Variants in DPYSL5 observed in about 807,000 individuals in gnomAD.
DPYSL5 encodes the protein dihydropyrimidinase-related protein 5.
In DPYSL5, 9 loss-of-function variants were observed where a neutral mutation model predicts 58.4. The ratio of observed to expected loss-of-function variants is 0.15; its 90% CI spans 0.09 to 0.27. DPYSL5 has a LOEUF of 0.27. DPYSL5 is among the 10% of genes least tolerant of loss of function. The pLI is 1.00. For synonymous variants in DPYSL5, 293 were observed against 301.9 expected (o/e 0.97, Z 0.31); for missense variants, 499 against 770.6 (o/e 0.65, Z 4.17).
intron 2 of DPYSL5, among the ~76,000 whole-genome samples, chr2:26,903,114 G>A (rs1664202711): frequency 1.3e-5 from 2 of 150,158 alleles, no homozygotes; most frequent in African/African-American, 4.9e-5. Context: ...CTGTCACCCA[G>A]GCTGGAGTGC....
rs920435 is a variant in DPYSL5 at position 26,934,920 on chromosome 2, T to C, written c.947+186T>C. 0.38 allele frequency among the ~76,000 whole-genome samples: 58,020 copies of C among 151,916 alleles called. 11,684 individuals carry two copies. The highest frequency in any genetic ancestry group is 0.54 in the Admixed American group (8,221 of 15,266). ...ATTGGGATTTTATGACCGCTTGATA[T>C]GGAGTGAGATCTTCTGAAGTATAAG... On this transcript the variant is annotated intron_variant, in intron 8 of 12. Transcript: ENST00000288699. This position sits in a 1 kb window ranked among gnomAD's most constrained non-coding sequence, Gnocchi z 4.3.
At chr2:26,895,937 G>A (rs1664009865) in intron 1 of DPYSL5, among the ~76,000 whole-genome samples, 1 of 151,382 alleles carries the variant, frequency 6.6e-6, no homozygotes, top group South Asian at 2.1e-4. Context: ...CCACCACCAC[G>A]CCCGGCTAGT....
chr2:26,946,142 C>T (rs1396835693), intron 12 of DPYSL5, among the ~76,000 whole-genome samples: 2 of 152,204 alleles, frequency 1.3e-5, no homozygotes, highest in Non-Finnish European at 1.5e-5. Context: ...GAGGCATGGA[C>T]TCCCACCGCC....
At chr2:26,941,853 C>A in intron 9 of DPYSL5, 97 bp from the exon 10 acceptor site, 1 of 1,536,734 alleles carries the variant, frequency 6.5e-7, no homozygotes, top group Middle Eastern at 2.3e-4. Context: ...TCCTGACCAC[C>A]TAAGCCCTAA....
chr2:26,878,572 G>T (rs1663470238), intron 1 of DPYSL5, among the ~76,000 whole-genome samples: 1 of 152,128 alleles, frequency 6.6e-6, no homozygotes, highest in African/African-American at 2.4e-5. Context: ...TCAATCAAAG[G>T]TTATAAACAT....
chr2:26,936,945 T>TAAAAAAAAAAAAAAAAAAAAAA lies in DPYSL5; in HGVS notation c.947+2227_947+2228insAAAAAAAAAAAAAAAAAAAAAA, dbSNP rs55795892. On this transcript the variant is annotated intron_variant, in intron 8 of 12. Coordinates refer to ENST00000288699, the MANE Select transcript of DPYSL5 (RefSeq NM_020134.4). ...TGGGCAACAAGAGCAAGACTTCATTTAAAAAAAAAAAAAAAAGCTTGTTTT... is the reference window on the plus strand; with the variant it reads ...TGGGCAACAAGAGCAAGACTTCATTTAAAAAAAAAAAAAAAAAAAAAAAAAAAAAAAAAAAAAAGCTTGTTTT... Among the ~76,000 whole-genome samples, 3 of 77,870 alleles carry TAAAAAAAAAAAAAAAAAAAAAA rather than the reference T, an allele frequency of 3.9e-5. 1 individual carries two copies. The highest frequency in any genetic ancestry group is 1.0e-4 in the African/African-American group (2 of 20,056). The allele number at this position is 77,870 out of a possible 152,430, so 51.1% of individuals were successfully genotyped here. A position where few individuals can be genotyped will look rare whatever the true frequency, so the allele number is the denominator to read the frequency against.
chr2:26,926,116 C>T (rs1293210005), intron 3 of DPYSL5, among the ~76,000 whole-genome samples: 1 of 152,232 alleles, frequency 6.6e-6, no homozygotes, highest in African/African-American at 2.4e-5. Context: ...AAGGGCCTAA[C>T]ACCCTTCTCA....
chr2:26,945,555 G>A (rs1157495776), intron 12 of DPYSL5, among the ~76,000 whole-genome samples: 4 of 136,116 alleles, frequency 2.9e-5, no homozygotes, highest in African/African-American at 5.4e-5. Flanking sequence ...GCTCATAAAT[G>A]ATGATCCTCA....
chr2:26,889,735 C>T (rs1214049651), intron 1 of DPYSL5, among the ~76,000 whole-genome samples: 1 of 151,810 alleles, frequency 6.6e-6, no homozygotes, highest in Non-Finnish European at 1.5e-5. Context: ...GCCCTCAAAT[C>T]TCTTCCCTTC....
At chr2:26,889,196 G>A (rs768858638) in intron 1 of DPYSL5, among the ~76,000 whole-genome samples, 6 of 152,050 alleles carry the variant, frequency 3.9e-5, no homozygotes, top group East Asian at 1.9e-4. Context: ...CACAATTATT[G>A]TGTTTTGGAA....
At chr2:26,899,859 C>A (rs776173959) in intron 2 of DPYSL5, among the ~76,000 whole-genome samples, 6 of 152,302 alleles carry the variant, frequency 3.9e-5, no homozygotes, top group Non-Finnish European at 5.9e-5. Flanking sequence ...TAGGCCGACT[C>A]TCCTTGCTTT....
intron 1 of DPYSL5, among the ~76,000 whole-genome samples, chr2:26,880,809 G>T (rs1044098708): frequency 6.6e-6 from 1 of 152,182 alleles, no homozygotes; most frequent in Non-Finnish European, 1.5e-5. Context: ...CGCCATCTCC[G>T]TGGTTCTTAC....
At position 26,948,550 on chromosome 2, in the gene DPYSL5, T is replaced by A. The variant is rs532890947; in HGVS notation, c.*1555T>A. On this transcript the variant is annotated 3_prime_UTR_variant, in exon 13 of 13. Transcript: ENST00000288699. ...GCCCCCGAGGCTTGCGCGAGGCTTC[T>A]GGACCCTCGGTTAAAGGTCAGCCCC... 2 of 152,634 alleles carry A rather than the reference T, an allele frequency of 1.3e-5. No homozygotes were observed. The highest frequency in any genetic ancestry group is 4.1e-4 in the South Asian group (2 of 4,826). 9.5% of individuals were successfully genotyped at this position (152,634 alleles called of 1,614,324 possible).
chr2:26,858,223 G>A (rs2148107608), intron 1 of DPYSL5, among the ~76,000 whole-genome samples: 1 of 138,824 alleles, frequency 7.2e-6, no homozygotes, highest in South Asian at 2.3e-4. Flanking sequence ...CCAGGCTGGA[G>A]TGCAGAGGCG....
chr2:26,910,177 A>G (rs1296188417), intron 2 of DPYSL5, among the ~76,000 whole-genome samples: 1 of 152,230 alleles, frequency 6.6e-6, no homozygotes, highest in African/African-American at 2.4e-5. Context: ...TGTTAAAGAT[A>G]AAGCTACTGT....
At position 26,905,277 on chromosome 2, in the gene DPYSL5, G is replaced by A. The variant is rs1168169582; in HGVS notation, c.261+6517G>A. Among the ~76,000 whole-genome samples, 1 of 152,190 alleles carries A rather than the reference G, an allele frequency of 6.6e-6. No individual in the cohort carries two copies. The highest frequency in any genetic ancestry group is 1.5e-5 in the Non-Finnish European group (1 of 68,044). ...ACAGTTTTTACTATGTATAAATGGT[G>A]TTTGTAAGGATTAGATGAGATGATG... On this transcript the variant is annotated intron_variant, in intron 2 of 12. Coordinates refer to ENST00000288699, the MANE Select transcript of DPYSL5 (RefSeq NM_020134.4). The surrounding 1 kb of genome is among the most constrained non-coding windows in gnomAD (Gnocchi z 4.0).
rs1426642576 is a variant in DPYSL5, at chr2:26,934,974, C to T, written c.947+240C>T. On this transcript the variant is annotated intron_variant, in intron 8 of 12. Transcript: ENST00000288699. The surrounding 1 kb of genome is among the most constrained non-coding windows in gnomAD (Gnocchi z 4.3). The stretch of plus-strand genomic sequence containing the variant: ...GAAGAGCACATATAGAACTGTGAAC[C>T]GTGGTTATTCGGAATTTCAAAGGAC... 1.3e-5 allele frequency among the ~76,000 whole-genome samples: 2 copies of T among 151,696 alleles called. No individual in the cohort carries two copies. Among genetic ancestry groups the T allele is most frequent in the East Asian group, 1.9e-4 (1 of 5,198 alleles).
chr2:26,911,088 T>TG (rs892848097), intron 2 of DPYSL5, among the ~76,000 whole-genome samples: 14 of 150,640 alleles, frequency 9.3e-5, no homozygotes, highest in African/African-American at 3.4e-4. Context: ...AGTTTTTTTT[T>TG]TTTTTTTTTT....
intron 1 of DPYSL5, among the ~76,000 whole-genome samples, chr2:26,865,529 G>A (rs1056894417): frequency 6.6e-6 from 1 of 151,926 alleles, no homozygotes; most frequent in Admixed American, 6.6e-5. Flanking sequence ...TGACCAGGAC[G>A]GTCTTGATCT....
Sources: gnomAD v4.1 joint callset for allele counts (sites outside exome capture counted in the v4.1 genomes callset) on GRCh38, gnomAD v4.1.1 for gene constraint, Gnocchi (gnomAD v3.1) non-coding constraint, MANE v1.5 for transcripts, NCBI Gene and HGNC (gene_info 2026-07-23, HGNC 2026-07-21) for gene names.